Variants in MYH10 observed in about 807,000 individuals in gnomAD.
The protein encoded by MYH10 is myosin heavy chain 10.
MYH10 carries 55 observed loss-of-function variants against 257.8 expected under a neutral mutation model. The observed-to-expected ratio is 0.21, with a 90% CI of 0.17 to 0.27. The LOEUF is 0.27. Ranked by LOEUF, MYH10 falls within the 10% of genes least tolerant of loss-of-function variation. The probability of loss-of-function intolerance (pLI) is 1.00; values close to 1 mark genes in which losing one functional copy is unlikely to be tolerated. For synonymous variants in MYH10, 854 were observed against 921.7 expected (o/e 0.93, Z 1.33); for missense variants, 1,631 against 2,500.6 (o/e 0.65, Z 7.42).
intron 16 of MYH10, among the ~76,000 whole-genome samples, chr17:8,531,556 C>CT (rs11420469): frequency 0.52 from 74,105 of 143,692 alleles, 19,329 homozygotes; most frequent in Middle Eastern, 0.63. Flanking sequence ...TTTTCTTTTT[C>CT]TTTTTTTTTT....
chr17:8,512,721 C>T lies in MYH10; in HGVS notation c.2746-64G>A, dbSNP rs117192255. ...ACATACGTACACAGTATATATTCGC[C>T]GTGATTTCAATGGTCAATGCACATC... is the stretch of plus-strand genomic sequence containing the variant. On this transcript the variant is annotated intron_variant, in intron 23 of 42. Transcript: ENST00000360416. 2.6e-3 allele frequency: 3,492 copies of T among 1,346,456 alleles called. 11 individuals carry two copies. Among genetic ancestry groups the T allele is most frequent in the Non-Finnish European group, 3.2e-3 (3,158 of 988,124 alleles). The allele number at this position is 1,346,456 out of a possible 1,614,324, so 83.4% of individuals were successfully genotyped here. A position where few individuals can be genotyped will look rare whatever the true frequency, so the allele number is the denominator to read the frequency against.
intron 25 of MYH10, 83 bp downstream of exon 25, chr17:8,509,729 C>G: frequency 7.8e-7 from 1 of 1,287,432 alleles, no homozygotes. Flanking sequence ...TGTTTGAGTT[C>G]ACTTTCAATG....
intron 7 of MYH10, among the ~76,000 whole-genome samples, chr17:8,555,126 G>GA (rs201062874): frequency 3.6e-4 from 54 of 150,832 alleles, no homozygotes; most frequent in African/African-American, 1.2e-3. Flanking sequence ...AAAGAAACAA[G>GA]AAAAAAAAAT....
chr17:8,578,559 A>G (rs1174682026), intron 4 of MYH10, among the ~76,000 whole-genome samples: 1 of 152,166 alleles, frequency 6.6e-6, no homozygotes, highest in East Asian at 1.9e-4. Flanking sequence ...AGGCAGACGT[A>G]ATTTGTTGTC....
At chr17:8,559,705 T>C (rs2082922272) in intron 7 of MYH10, among the ~76,000 whole-genome samples, 1 of 152,236 alleles carries the variant, frequency 6.6e-6, no homozygotes, top group African/African-American at 2.4e-5. Flanking sequence ...TATTTTGTCT[T>C]TGTTTTTTGG....
At chr17:8,480,367 G>GA in intron 39 of MYH10, 35 bp downstream of exon 39, 1 of 1,613,044 alleles carries the variant, frequency 6.2e-7, no homozygotes. Flanking sequence ...GGGTGGCACA[G>GA]CCCTCCCTGG....
rs2081200172 is a variant in MYH10, at chr17:8,509,802, ACT to A, written c.3090+8_3090+9del. The A allele has an allele frequency of 6.3e-7, 1 of 1,591,008 alleles. No homozygotes were observed. Among genetic ancestry groups the A allele is most frequent in the South Asian group, 1.1e-5 (1 of 87,200 alleles). ...ACTAAAATCAGCTTTTTGTGGGAAC[ACT>A]CTCTTACTTTGATGAACTTGGAATT... On this transcript the variant is annotated splice_region_variant and intron_variant, in intron 25 of 42. Transcript: ENST00000360416.
intron 4 of MYH10, among the ~76,000 whole-genome samples, chr17:8,579,182 G>C (rs1212243800): frequency 6.6e-6 from 1 of 151,966 alleles, no homozygotes; most frequent in African/African-American, 2.4e-5. Flanking sequence ...AGGAGGCTGA[G>C]GTGGGAAGAT....
intron 2 of MYH10, among the ~76,000 whole-genome samples, chr17:8,616,283 CAA>C (rs529618910): frequency 7.2e-6 from 1 of 139,316 alleles, no homozygotes; most frequent in Admixed American, 7.2e-5. Flanking sequence ...ACTTTGTCTC[CAA>C]AAAAAAAAAG....
rs1350111905 is a variant in MYH10 at position 8,552,215 on chromosome 17, T to C, written c.821-71A>G. On this transcript the variant is annotated intron_variant, in intron 8 of 42. Transcript: ENST00000360416. The surrounding 1 kb of genome is among the most constrained non-coding windows in gnomAD (Gnocchi z 4.8). ...AATAAATAAAGGCCCTCTTTCAGCG[T>C]CTGTAAATTTAAATCATAAAACATC... 1 of 649,478 alleles carries C rather than the reference T, an allele frequency of 1.5e-6. No homozygotes were observed. Among genetic ancestry groups the C allele is most frequent in the African/African-American group, 1.9e-5 (1 of 53,072 alleles). 40.2% of individuals were successfully genotyped at this position (649,478 alleles called of 1,614,324 possible).
At chr17:8,566,636 G>A (rs2083175420) in intron 7 of MYH10, among the ~76,000 whole-genome samples, 1 of 151,892 alleles carries the variant, frequency 6.6e-6, no homozygotes. Context: ...TCTCAGTGAC[G>A]ACCTCCTAAG....
intron 3 of MYH10, among the ~76,000 whole-genome samples, chr17:8,592,433 C>T (rs1397447330): frequency 6.6e-6 from 1 of 151,946 alleles, no homozygotes; most frequent in African/African-American, 2.4e-5. Context: ...GAAAAGGACA[C>T]AAACTGCCAA....
chr17:8,551,378 A>C (rs1316427153), intron 9 of MYH10, among the ~76,000 whole-genome samples: 3 of 152,170 alleles, frequency 2.0e-5, no homozygotes, highest in Non-Finnish European at 4.4e-5. Flanking sequence ...GGTTAGCAAA[A>C]GCCTGGATGC....
chr17:8,608,647 T>G (rs34363598), intron 2 of MYH10, among the ~76,000 whole-genome samples: 1 of 152,166 alleles, frequency 6.6e-6, no homozygotes, highest in African/African-American at 2.4e-5. Context: ...GTTTGCATAA[T>G]AACACTACTG....
intron 6 of MYH10, among the ~76,000 whole-genome samples, chr17:8,570,293 T>G (rs1054065415): frequency 2.0e-5 from 3 of 152,232 alleles, no homozygotes; most frequent in Admixed American, 6.5e-5. Flanking sequence ...CTCTATCATA[T>G]AGACAGGGCA....
Position 8,506,208 on chromosome 17 carries a change from G to T in MYH10, c.3386+110C>A. ...TTTCTCAGGTCACACCAAACAGCAAGCAAACCCCATCTCACTCTCCCAGGG... is the reference window on the plus strand; with the variant it reads ...TTTCTCAGGTCACACCAAACAGCAATCAAACCCCATCTCACTCTCCCAGGG... On this transcript the variant is annotated intron_variant, in intron 27 of 42. Transcript: ENST00000360416. This position sits in a 1 kb window ranked among gnomAD's most constrained non-coding sequence, Gnocchi z 5.0. 1.7e-6 allele frequency: 2 copies of T among 1,165,698 alleles called. No homozygotes were observed. Among genetic ancestry groups the T allele is most frequent in the Non-Finnish European group, 2.3e-6 (2 of 857,430 alleles). 72.2% of individuals were successfully genotyped at this position (1,165,698 alleles called of 1,614,324 possible).
intron 17 of MYH10, among the ~76,000 whole-genome samples, chr17:8,528,636 C>G (rs1320739554): frequency 6.6e-6 from 1 of 152,124 alleles, no homozygotes; most frequent in East Asian, 1.9e-4. Flanking sequence ...CTTTGTGTCA[C>G]CTGCTTTAGA....
At chr17:8,576,490 A>G (rs2083501265) in intron 6 of MYH10, 153 bp downstream of exon 6, 2 of 656,026 alleles carry the variant, frequency 3.0e-6, no homozygotes, top group Middle Eastern at 2.5e-4. Flanking sequence ...TCAAGAAAGA[A>G]TAAGGCTCTA....
chr17:8,477,374 ATTC>A lies in MYH10; in HGVS notation c.5707-329_5707-327del, dbSNP rs1487691352. On this transcript the variant is annotated intron_variant, in intron 41 of 42. Coordinates refer to ENST00000360416, the MANE Select transcript of MYH10 (RefSeq NM_001256012.3). This position sits in a 1 kb window ranked among gnomAD's most constrained non-coding sequence, Gnocchi z 4.2. Reference sequence around the variant, plus strand: ...CCTAGGGGACTGAAAGGGAATTGCTATTCTTGCAAAACGTGGAAGAACCAGCAA... The same window carrying A: ...CCTAGGGGACTGAAAGGGAATTGCTATTGCAAAACGTGGAAGAACCAGCAA... Among the ~76,000 whole-genome samples, 1 of 152,162 alleles carries A rather than the reference ATTC, an allele frequency of 6.6e-6. No homozygotes were observed. The highest frequency in any genetic ancestry group is 2.4e-5 in the African/African-American group (1 of 41,426).
Sources: gnomAD v4.1 joint callset for allele counts (sites outside exome capture counted in the v4.1 genomes callset) on GRCh38, gnomAD v4.1.1 for gene constraint, Gnocchi (gnomAD v3.1) non-coding constraint, MANE v1.5 for transcripts, NCBI Gene and HGNC (gene_info 2026-07-23, HGNC 2026-07-21) for gene names.